PVT1: variants seen among roughly 807,000 people sequenced by gnomAD.
PVT1 encodes CXCR4/PVT1 fusion.
intron 2 of PVT1, among the ~76,000 whole-genome samples, chr8:127,832,332 A>T (rs1744860611): frequency 6.6e-6 from 1 of 152,218 alleles, no homozygotes; most frequent in Non-Finnish European, 1.5e-5. Flanking sequence ...TCACTAGCTG[A>T]TCATGACCTT....
chr8:127,990,303 C>A (rs1485641883), intron 4 of PVT1, among the ~76,000 whole-genome samples: 1 of 152,166 alleles, frequency 6.6e-6, no homozygotes, highest in Non-Finnish European at 1.5e-5. Flanking sequence ...TGCCCATTCC[C>A]CCTATTGCTG....
At chr8:127,988,871 A>G (rs1816999509) in intron 3 of PVT1, among the ~76,000 whole-genome samples, 1 of 152,222 alleles carries the variant, frequency 6.6e-6, no homozygotes, top group South Asian at 2.1e-4. Flanking sequence ...GTGGGGGCTT[A>G]TGAGTCAGAA....
intron 4 of PVT1, among the ~76,000 whole-genome samples, chr8:128,038,261 G>A (rs16902580): frequency 6.6e-6 from 1 of 152,112 alleles, no homozygotes; most frequent in South Asian, 2.1e-4. Flanking sequence ...TTGATGGAAG[G>A]TTTCTTTGAG....
At chr8:127,794,645 G>C (rs1290694768) in exon 1 of PVT1, 1 of 152,758 alleles carries the variant, frequency 6.5e-6, no homozygotes, top group Non-Finnish European at 1.5e-5. Flanking sequence ...ATGTGCCCCG[G>C]GACCCCCGGC....
chr8:128,073,802 C>CT (rs79686805), intron 5 of PVT1, among the ~76,000 whole-genome samples: 1,799 of 138,072 alleles, frequency 0.013, 33 homozygotes, highest in African/African-American at 0.042. Flanking sequence ...ATTTTTTTTT[C>CT]TTTTTTTTTT....
chr8:128,003,492 T>G (rs888810947), intron 4 of PVT1, among the ~76,000 whole-genome samples: 1 of 152,052 alleles, frequency 6.6e-6, no homozygotes, highest in African/African-American at 2.4e-5. Flanking sequence ...ACTACAGGTA[T>G]GTGTTCCCAT....
chr8:127,843,215 G>C (rs1050853762), intron 2 of PVT1, among the ~76,000 whole-genome samples: 4 of 152,124 alleles, frequency 2.6e-5, no homozygotes, highest in Non-Finnish European at 5.9e-5. Context: ...AATTAGCTGA[G>C]TGTGATGGTG....
intron 2 of PVT1, among the ~76,000 whole-genome samples, chr8:127,827,407 C>T (rs1814802553): frequency 6.6e-6 from 1 of 152,154 alleles, no homozygotes; most frequent in Admixed American, 6.5e-5. Context: ...CCTCTGGTCC[C>T]CTGGCAGCCA....
chr8:128,036,586 T>A lies in PVT1; in HGVS notation n.913-33574T>A, dbSNP rs191567587. Reference sequence around the variant, plus strand: ...GGCACTGTGCTGGGCCCTCAGTAGTTTAGTGGCTATTCTGAAACAGTCACT... The same window carrying A: ...GGCACTGTGCTGGGCCCTCAGTAGTATAGTGGCTATTCTGAAACAGTCACT... On this transcript the variant is annotated intron_variant and non_coding_transcript_variant, in intron 4 of 10. Coordinates refer to ENST00000651587, the Ensembl canonical transcript of PVT1. Among the ~76,000 whole-genome samples, 996 of 152,148 alleles carry A rather than the reference T, an allele frequency of 6.5e-3. 11 individuals carry two copies. Among genetic ancestry groups the A allele is most frequent in the Non-Finnish European group, 7.5e-3 (509 of 67,986 alleles).
chr8:127,967,432 T>C (rs1306443786), intron 3 of PVT1, among the ~76,000 whole-genome samples: 1 of 152,184 alleles, frequency 6.6e-6, no homozygotes, highest in South Asian at 2.1e-4. Context: ...TGTAATACAA[T>C]ACTGGCTCAA....
chr8:127,869,798 G>GGTTTTT (rs1377841598), intron 2 of PVT1, among the ~76,000 whole-genome samples: 2 of 151,874 alleles, frequency 1.3e-5, no homozygotes, highest in Non-Finnish European at 2.9e-5. Context: ...TTGGACATAG[G>GGTTTTT]GTTTTTGTTT....
intron 2 of PVT1, among the ~76,000 whole-genome samples, chr8:127,887,215 T>C (rs1230944223): frequency 6.6e-6 from 1 of 152,232 alleles, no homozygotes; most frequent in Non-Finnish European, 1.5e-5. Context: ...TCTGTCCTGA[T>C]GTTTCAGTGC....
chr8:127,841,080 G>T (rs753015992), intron 2 of PVT1, among the ~76,000 whole-genome samples: 2 of 152,158 alleles, frequency 1.3e-5, no homozygotes, highest in Non-Finnish European at 2.9e-5. Flanking sequence ...TGCTGTCTTT[G>T]AGTCCTCAGT....
chr8:127,901,936 G>A (rs1047876308), intron 3 of PVT1, among the ~76,000 whole-genome samples: 13 of 150,112 alleles, frequency 8.7e-5, no homozygotes, highest in African/African-American at 2.7e-4. Context: ...GAAAAATATC[G>A]TTAGAAATAG....
At chr8:127,899,283 G>A (rs1414245140) in intron 3 of PVT1, among the ~76,000 whole-genome samples, 1 of 152,238 alleles carries the variant, frequency 6.6e-6, no homozygotes, top group East Asian at 1.9e-4. Context: ...CCTTTGGGAA[G>A]CCTGTTATTG....
At chr8:127,849,549 G>A (rs1463087013) in intron 2 of PVT1, among the ~76,000 whole-genome samples, 1 of 152,218 alleles carries the variant, frequency 6.6e-6, no homozygotes, top group Non-Finnish European at 1.5e-5. Flanking sequence ...TTATGCCATC[G>A]AGGTAAAAAG....
chr8:127,983,468 C>T (rs552512883), intron 3 of PVT1, among the ~76,000 whole-genome samples: 4 of 152,266 alleles, frequency 2.6e-5, no homozygotes, highest in Admixed American at 1.3e-4. Flanking sequence ...TGTTCTGTAG[C>T]TTGTGGTCCT....
At chr8:127,860,738 C>G (rs529652678) in intron 2 of PVT1, among the ~76,000 whole-genome samples, 1 of 144,516 alleles carries the variant, frequency 6.9e-6, no homozygotes, top group East Asian at 2.0e-4. Flanking sequence ...GCACTCCAGC[C>G]TGGGTGACAG....
intron 2 of PVT1, among the ~76,000 whole-genome samples, chr8:127,803,830 C>T (rs553559291): frequency 6.6e-6 from 1 of 151,718 alleles, no homozygotes; most frequent in Admixed American, 6.6e-5. Context: ...AAGCGATTCT[C>T]CTGCCTCAGC....
Sources: allele counts gnomAD v4.1 joint callset (sites outside exome capture counted in the v4.1 genomes callset), GRCh38; gene constraint gnomAD v4.1.1; transcripts MANE v1.5; gene names NCBI Gene and HGNC (gene_info 2026-07-23, HGNC 2026-07-21).